DGKH: variants seen among roughly 807,000 people sequenced by gnomAD.
The protein encoded by DGKH is DAG kinase eta.
In DGKH, 90 loss-of-function variants were observed where a neutral mutation model predicts 159.3. That is an observed-to-expected ratio of 0.57 (90% CI 0.48 to 0.67). The LOEUF is 0.67. Ranked by LOEUF, DGKH falls within the 30% of genes least tolerant of loss-of-function variation. DGKH has a pLI of 0.00. For missense variants in DGKH, 1,181 were observed against 1,506.1 expected (o/e 0.78, Z 3.57); for synonymous variants, 536 against 553.8 (o/e 0.97, Z 0.45).
intron 8 of DGKH, 60 bp downstream of exon 8, chr13:42,165,493 T>C: frequency 1.1e-6 from 1 of 915,196 alleles, no homozygotes; most frequent in Non-Finnish European, 1.6e-6. Context: ...ATATGTATAT[T>C]TCTTTTCCTA....
In DGKH at chr13:42,227,055, A is replaced by G. The variant is rs192820009; in HGVS notation, c.3574-2044A>G. On this transcript the variant is annotated intron_variant, in intron 29 of 29. Coordinates refer to ENST00000337343, the MANE Select transcript of DGKH (RefSeq NM_178009.5). ...CGTTCTTGTAAGTGGGAGCTAAACA[A>G]TGAGAACACATAGACACAGGGAGGG... Among the ~76,000 whole-genome samples, 561 of 152,268 alleles carry G rather than the reference A, an allele frequency of 3.7e-3. 2 individuals carry two copies. Among genetic ancestry groups the G allele is most frequent in the African/African-American group, 0.013 (540 of 41,550 alleles).
At chr13:42,167,224 A>T (rs1400959325) in intron 9 of DGKH, among the ~76,000 whole-genome samples, 1 of 152,170 alleles carries the variant, frequency 6.6e-6, no homozygotes, top group Admixed American at 6.6e-5. Context: ...GGGAAAATAT[A>T]CCTTTTGGCA....
At position 42,229,518 on chromosome 13, in the gene DGKH, G is replaced by A. The variant is rs138602078; in HGVS notation, c.*330G>A. 2.0e-3 allele frequency: 409 copies of A among 208,840 alleles called. 1 individual carries two copies. The highest frequency in any genetic ancestry group is 3.0e-3 in the Non-Finnish European group (318 of 105,814). The allele number at this position is 208,840 out of a possible 1,614,324, so 12.9% of individuals were successfully genotyped here. On this transcript the variant is annotated 3_prime_UTR_variant, in exon 30 of 30. Coordinates refer to ENST00000337343, the MANE Select transcript of DGKH (RefSeq NM_178009.5). ...AAAATGTTTACTTTCCATAGATCTG[G>A]TCTGATGGAATGTTCCTACTGTGCA...
intron 15 of DGKH, among the ~76,000 whole-genome samples, chr13:42,190,144 G>A (rs1377072978): frequency 1.3e-5 from 2 of 152,032 alleles, no homozygotes; most frequent in Non-Finnish European, 2.9e-5. Context: ...TTTATAGATT[G>A]TAACTTGTAA....
chr13:42,075,067 T>C (rs1372584737), intron 1 of DGKH, among the ~76,000 whole-genome samples: 1 of 152,202 alleles, frequency 6.6e-6, no homozygotes, highest in Non-Finnish European at 1.5e-5. Flanking sequence ...AAAACCTCAG[T>C]TTCCTAATTT....
intron 1 of DGKH, among the ~76,000 whole-genome samples, chr13:42,058,517 A>G (rs1426535536): frequency 6.6e-6 from 1 of 152,256 alleles, no homozygotes; most frequent in Non-Finnish European, 1.5e-5. Context: ...CCAGCGGCAT[A>G]GAATAGCAAG....
At chr13:42,127,717 C>T in intron 2 of DGKH, 144 bp downstream of exon 2, 1 of 635,428 alleles carries the variant, frequency 1.6e-6, no homozygotes, top group Non-Finnish European at 2.8e-6. Context: ...CTATCGGTGA[C>T]CCCATCCCAA....
At chr13:42,215,001 T>G (rs1300267660) in intron 25 of DGKH, among the ~76,000 whole-genome samples, 3 of 152,228 alleles carry the variant, frequency 2.0e-5, no homozygotes, top group African/African-American at 7.2e-5. Flanking sequence ...TTTGAAGTTA[T>G]GCACTGAAAT....
At chr13:42,201,742 A>C (rs181451687) in intron 20 of DGKH, among the ~76,000 whole-genome samples, 1 of 152,362 alleles carries the variant, frequency 6.6e-6, no homozygotes. Flanking sequence ...ATAAGATTAA[A>C]ATAAATTAAC....
intron 1 of DGKH, among the ~76,000 whole-genome samples, chr13:42,057,409 G>A (rs940902628): frequency 6.6e-6 from 1 of 152,146 alleles, no homozygotes; most frequent in Non-Finnish European, 1.5e-5. Context: ...AGCAGGCACG[G>A]TGATTTGAGT....
At chr13:42,114,452 A>T (rs1954927635) in intron 1 of DGKH, among the ~76,000 whole-genome samples, 1 of 151,870 alleles carries the variant, frequency 6.6e-6, no homozygotes, top group Admixed American at 6.6e-5. Flanking sequence ...TGTGCCAGGA[A>T]CTCTGGTAAG....
intron 13 of DGKH, 136 bp from the exon 14 acceptor site, chr13:42,186,913 A>G (rs578147035): frequency 7.3e-6 from 5 of 684,662 alleles, no homozygotes; most frequent in African/African-American, 7.2e-5. Flanking sequence ...CACAGCAGAT[A>G]GAAGCATAGA....
upstream of DGKH, among the ~76,000 whole-genome samples, chr13:42,045,117 G>A (rs989213448): frequency 6.6e-6 from 1 of 152,076 alleles, no homozygotes; most frequent in Non-Finnish European, 1.5e-5. Flanking sequence ...GATGACCAGG[G>A]GGAGATGATG....
intron 22 of DGKH, 82 bp from the exon 23 acceptor site, chr13:42,209,249 G>A: frequency 6.5e-7 from 1 of 1,528,820 alleles, no homozygotes; most frequent in African/African-American, 1.4e-5. Flanking sequence ...CTGTAGAATA[G>A]TCTAATACTC....
chr13:42,236,772 G>A lies in DGKH; in HGVS notation c.*7584G>A, dbSNP rs1958421526. 1 of 152,264 alleles carries A rather than the reference G, an allele frequency of 6.6e-6. No individual in the cohort carries two copies. Among genetic ancestry groups the A allele is most frequent in the Non-Finnish European group, 1.5e-5 (1 of 68,118 alleles). 9.4% of individuals were successfully genotyped at this position (152,264 alleles called of 1,614,324 possible). On this transcript the variant is annotated 3_prime_UTR_variant, in exon 30 of 30. Transcript: ENST00000337343. ...ACAAAAATTAGCCAGGTGTGGTGGT[G>A]GGTGCCTGTAATCCCAGCTACTCAG...
intron 5 of DGKH, among the ~76,000 whole-genome samples, chr13:42,157,747 T>A (rs995647322): frequency 6.6e-6 from 1 of 152,202 alleles, no homozygotes; most frequent in Non-Finnish European, 1.5e-5. Context: ...TACATTATTA[T>A]CATTATTATT....
chr13:42,088,160 T>C (rs1954344244), intron 1 of DGKH, among the ~76,000 whole-genome samples: 1 of 152,188 alleles, frequency 6.6e-6, no homozygotes, highest in Non-Finnish European at 1.5e-5. Flanking sequence ...TAGAATTATA[T>C]GCTCAGTGAA....
At chr13:42,088,201 A>G (rs887561240) in intron 1 of DGKH, among the ~76,000 whole-genome samples, 2 of 152,190 alleles carry the variant, frequency 1.3e-5, no homozygotes, top group African/African-American at 4.8e-5. Context: ...GGCAAAATAA[A>G]TAATTTTGGA....
intron 11 of DGKH, among the ~76,000 whole-genome samples, chr13:42,173,645 A>G (rs1956521284): frequency 6.6e-6 from 1 of 152,164 alleles, no homozygotes; most frequent in South Asian, 2.1e-4. Context: ...TTGGGTTATG[A>G]CTCATTAGTA....
Sources: allele counts gnomAD v4.1 joint callset (sites outside exome capture counted in the v4.1 genomes callset), GRCh38; gene constraint gnomAD v4.1.1; transcripts MANE v1.5; gene names NCBI Gene and HGNC (gene_info 2026-07-23, HGNC 2026-07-21).